Variants in FAM228B observed in about 807,000 individuals in gnomAD.
FAM228B encodes the protein family with sequence similarity 228 member B, also known as protein FAM228B.
FAM228B carries 38 observed loss-of-function variants against 42.6 expected under a neutral mutation model. That is an observed-to-expected ratio of 0.89 (90% CI 0.69 to 1.17). The LOEUF is 1.17. Among genes scored for constraint, FAM228B ranks in the 50% most tolerant of loss-of-function variants. The probability of loss-of-function intolerance (pLI) is 0.00; values close to 1 mark genes in which losing one functional copy is unlikely to be tolerated. For synonymous variants in FAM228B, 109 were observed against 122.3 expected (o/e 0.89, Z 0.72); for missense variants, 344 against 367.3 (o/e 0.94, Z 0.52).
At chr2:24,117,100 C>T (rs1031309637) in intron 3 of FAM228B, among the ~76,000 whole-genome samples, 1 of 150,132 alleles carries the variant, frequency 6.7e-6, no homozygotes. Context: ...ACCGCAACCT[C>T]TGCCTCTCCG....
chr2:24,101,807 T>C lies in FAM228B; in HGVS notation c.-121+6578T>C, dbSNP rs1665614405. ...ACGCCATTCTTCCACCTCAGCCTCTTGAGTAGCTGGGACTACAAGCGCTCA... is the reference window on the plus strand; with the variant it reads ...ACGCCATTCTTCCACCTCAGCCTCTCGAGTAGCTGGGACTACAAGCGCTCA... On this transcript the variant is annotated intron_variant, in intron 3 of 10. Coordinates refer to the FAM228B transcript ENST00000613899. Among the ~76,000 whole-genome samples the C allele has an allele frequency of 3.9e-5, 6 of 152,108 alleles. No homozygotes were observed. In the South Asian group the frequency reaches 1.2e-3, roughly 32 times the overall value.
chr2:24,106,316 C>CTTTTTTTT (rs386389714), intron 3 of FAM228B, among the ~76,000 whole-genome samples: 4 of 106,394 alleles, frequency 3.8e-5, no homozygotes, highest in African/African-American at 7.4e-5. Flanking sequence ...ATTCAGCATT[C>CTTTTTTTT]TTTTTTTTTT....
At chr2:24,136,520 G>A (rs1029624619) in intron 3 of FAM228B, among the ~76,000 whole-genome samples, 4 of 152,046 alleles carry the variant, frequency 2.6e-5, no homozygotes, top group Non-Finnish European at 4.4e-5. Context: ...TTGCCACTAC[G>A]CCTGGCCAAG....
intron 5 of FAM228B, chr2:24,142,519 G>A (rs1053161153): frequency 2.0e-5 from 3 of 152,212 alleles, no homozygotes; most frequent in Admixed American, 2.0e-4. Flanking sequence ...ATGGGAGTAT[G>A]CGAACAGCAC....
chr2:24,135,080 T>C lies in FAM228B; in HGVS notation c.100-39T>C, dbSNP rs1267041326. ...GATTCCAGATAGCACTAATAGTTTT[T>C]AAAGATTTTCTTTTCAAAGTTTAAT... On this transcript the variant is annotated intron_variant, in intron 2 of 10. Transcript: ENST00000615575. 3 of 1,302,456 alleles carry C rather than the reference T, an allele frequency of 2.3e-6. No individual in the cohort carries two copies. In the South Asian group the frequency reaches 4.2e-5, roughly 18 times the overall value. 80.7% of individuals were successfully genotyped at this position (1,302,456 alleles called of 1,614,324 possible).
chr2:24,090,908 T>A (rs1178504558), intron 2 of FAM228B, among the ~76,000 whole-genome samples: 1 of 152,194 alleles, frequency 6.6e-6, no homozygotes, highest in Non-Finnish European at 1.5e-5. Context: ...CACCTCAGCC[T>A]CCTCAGTAGC....
chr2:24,132,643 T>C (rs1666483777), intron 2 of FAM228B, among the ~76,000 whole-genome samples: 1 of 151,960 alleles, frequency 6.6e-6, no homozygotes, highest in African/African-American at 2.4e-5. Flanking sequence ...CATTTCAGAG[T>C]TGGTCTCCAT....
intron 7 of FAM228B, among the ~76,000 whole-genome samples, chr2:24,147,916 C>CTTTTTTTTTTTTTTTTTTTTTTTTGT (rs34823316): frequency 8.4e-6 from 1 of 119,198 alleles, no homozygotes; most frequent in Non-Finnish European, 1.8e-5. Flanking sequence ...TTTGCCTTGC[C>CTTTTTTTTTTTTTTTTTTTTTTTTGT]TTTTTTTTTT....
At chr2:24,117,247 G>A (rs778647118) in intron 3 of FAM228B, among the ~76,000 whole-genome samples, 5 of 151,960 alleles carry the variant, frequency 3.3e-5, no homozygotes, top group African/African-American at 2.4e-5. Context: ...AACTCCTGTC[G>A]TCAAATGATC....
intron 2 of FAM228B, among the ~76,000 whole-genome samples, chr2:24,093,020 G>C (rs749901695): frequency 1.3e-5 from 2 of 150,646 alleles, no homozygotes; most frequent in African/African-American, 2.4e-5. Context: ...CACCACCATG[G>C]CTCAGGGCTC....
chr2:24,139,361 T>C lies in FAM228B; in HGVS notation c.361-9T>C. The C allele has an allele frequency of 6.6e-7, 1 of 1,508,300 alleles. No individual in the cohort carries two copies. Among genetic ancestry groups the C allele is most frequent in the Non-Finnish European group, 9.0e-7 (1 of 1,111,868 alleles). 93.4% of individuals were successfully genotyped at this position (1,508,300 alleles called of 1,614,324 possible). A position where few individuals can be genotyped will look rare whatever the true frequency, so the allele number is the denominator to read the frequency against. On this transcript the variant is annotated splice_polypyrimidine_tract_variant and intron_variant, in intron 4 of 10. Coordinates refer to ENST00000615575, the MANE Select transcript of FAM228B (RefSeq NM_001145710.2). ...TGTTCTTGTGTATCGTTTTATTTCCTTGCTATAGGGAAATGCATTTATAGA... is the reference window on the plus strand; with the variant it reads ...TGTTCTTGTGTATCGTTTTATTTCCCTGCTATAGGGAAATGCATTTATAGA...
At chr2:24,087,358 G>A (rs1429756949) in intron 2 of FAM228B, 1 of 151,978 alleles carries the variant, frequency 6.6e-6, no homozygotes, top group Admixed American at 6.6e-5. Context: ...GGAATTATAG[G>A]CATGAGCCAC....
At chr2:24,148,882 A>C (rs1425559976) in intron 7 of FAM228B, among the ~76,000 whole-genome samples, 2 of 151,882 alleles carry the variant, frequency 1.3e-5, no homozygotes, top group African/African-American at 4.8e-5. Flanking sequence ...CTCCCAATAC[A>C]CTTCCCAGCC....
At chr2:24,158,352 G>A (rs1355422206) in intron 7 of FAM228B, among the ~76,000 whole-genome samples, 3 of 151,790 alleles carry the variant, frequency 2.0e-5, no homozygotes, top group African/African-American at 4.8e-5. Flanking sequence ...CTTTTTCATC[G>A]ATCACACAGT....
chr2:24,111,606 G>A (rs911125610), intron 3 of FAM228B, among the ~76,000 whole-genome samples: 3 of 152,012 alleles, frequency 2.0e-5, no homozygotes, highest in Non-Finnish European at 4.4e-5. Flanking sequence ...CTGGCTTGTC[G>A]TGCAAACCTC....
chr2:24,147,154 A>G lies in FAM228B; in HGVS notation c.686+68A>G, dbSNP rs1666915653. The G allele has an allele frequency of 1.1e-5, 12 of 1,066,068 alleles. No homozygotes were observed. The South Asian group carries it at 2.5e-4, about 23-fold the overall frequency. The allele number at this position is 1,066,068 out of a possible 1,614,324, so 66.0% of individuals were successfully genotyped here. ...TGAAAATTCTTCAGACTGATATAAC[A>G]TTTTTCATAGTTATGATTTTTTAAA... On this transcript the variant is annotated intron_variant, in intron 7 of 10. Transcript: ENST00000615575.
chr2:24,165,163 C>G (rs977548115), intron 9 of FAM228B, among the ~76,000 whole-genome samples: 1 of 152,126 alleles, frequency 6.6e-6, no homozygotes, highest in Non-Finnish European at 1.5e-5. Context: ...GAAGAAGAAT[C>G]ATGAATTATT....
chr2:24,081,871 A>G (rs1665020872), intron 2 of FAM228B, among the ~76,000 whole-genome samples: 2 of 150,910 alleles, frequency 1.3e-5, no homozygotes, highest in South Asian at 4.2e-4. Flanking sequence ...AATTTTTTGT[A>G]TTTTTAGTAG....
intron 3 of FAM228B, among the ~76,000 whole-genome samples, chr2:24,098,958 G>A (rs1278367203): frequency 6.6e-6 from 1 of 152,120 alleles, no homozygotes; most frequent in East Asian, 1.9e-4. Context: ...TTCATCCCTG[G>A]GATGCAAGGC....
Sources: allele counts gnomAD v4.1 joint callset (sites outside exome capture counted in the v4.1 genomes callset), GRCh38; gene constraint gnomAD v4.1.1; transcripts MANE v1.5; gene names NCBI Gene and HGNC (gene_info 2026-07-23, HGNC 2026-07-21).